DIP2C: variants seen among roughly 807,000 people sequenced by gnomAD.
The protein encoded by DIP2C is DIP2 acetate--CoA ligase C (putative).
In DIP2C, 33 loss-of-function variants were observed where a neutral mutation model predicts 192.4. That is an observed-to-expected ratio of 0.17 (90% CI 0.13 to 0.23). DIP2C has a LOEUF of 0.23. Among genes scored for constraint, DIP2C ranks in the 10% least tolerant of loss-of-function variants. The pLI is 1.00. For synonymous variants in DIP2C, 979 were observed against 864.1 expected (o/e 1.13, Z -2.33); for missense variants, 1,537 against 2,110.1 (o/e 0.73, Z 5.32).
At chr10:389,332 G>A (rs571078431) in intron 13 of DIP2C, among the ~76,000 whole-genome samples, 82 of 152,170 alleles carry the variant, frequency 5.4e-4, no homozygotes, top group Middle Eastern at 6.8e-3. Flanking sequence ...CCCCGGGGTC[G>A]CACCCTCCCC....
Position 362,553 on chromosome 10 carries a change from T to G in DIP2C, c.2731A>C (p.Asn911His), listed in dbSNP as rs751967607. Residue 911 changes from asparagine to histidine, a missense_variant, in exon 22 of 37, where the codon AAT becomes CAT. Coordinates refer to ENST00000280886, the MANE Select transcript of DIP2C (RefSeq NM_014974.3). ...CAGGTGTGGGGGCACATTAGGACATTGCAGGGGTGCAGAGAGCCCTCCAGA... is the reference window on the plus strand; with the variant it reads ...CAGGTGTGGGGGCACATTAGGACATGGCAGGGGTGCAGAGAGCCCTCCAGA... ...LFLEGSLHPC[N>H]VLMCPHTCVT... The G allele has an allele frequency of 1.2e-6, 2 of 1,613,984 alleles. No individual in the cohort carries two copies. Among genetic ancestry groups the G allele is most frequent in the African/African-American group, 2.7e-5 (2 of 74,912 alleles).
chr10:440,950 C>T lies in DIP2C; in HGVS notation c.315G>A (p.Glu105=), dbSNP rs1415387934. The T allele has an allele frequency of 1.9e-6, 3 of 1,613,746 alleles. No individual in the cohort carries two copies. Among genetic ancestry groups the T allele is most frequent in the Admixed American group, 3.3e-5 (2 of 60,008 alleles). ...AAGGCATAGGCACTGCCATCTTCCG[C>T]TCTTTGTGTTTGGCCAGAGCCGCCT... ...AVQAALAKHK[E]RKMAVPMPSK... The change falls in exon 4 of 37, where the codon GAG becomes GAA. Residue 105 remains glutamate (E), a synonymous_variant. Transcript: ENST00000280886.
rs1022000538 is a variant in DIP2C at position 487,585 on chromosome 10, T to G, written c.86-1055A>C. ...AATGAGTGTTTTTTTTTTTTTTTTT[T>G]TTTTTTTTTTTTGAGACAGTCTCTC... On this transcript the variant is annotated intron_variant, in intron 1 of 36. Coordinates refer to ENST00000280886, the MANE Select transcript of DIP2C (RefSeq NM_014974.3). Among the ~76,000 whole-genome samples, 115 of 138,106 alleles carry G rather than the reference T, an allele frequency of 8.3e-4. 1 individual carries two copies. Among genetic ancestry groups the G allele is most frequent in the Middle Eastern group, 3.5e-3 (1 of 284 alleles). The allele number at this position is 138,106 out of a possible 152,430, so 90.6% of individuals were successfully genotyped here. A position where few individuals can be genotyped will look rare whatever the true frequency, so the allele number is the denominator to read the frequency against.
chr10:526,123 A>T (rs575992799), intron 1 of DIP2C, among the ~76,000 whole-genome samples: 1 of 152,218 alleles, frequency 6.6e-6, no homozygotes, highest in Non-Finnish European at 1.5e-5. Context: ...ATTACAAAGG[A>T]AAGCGTCCAC....
intron 5 of DIP2C, among the ~76,000 whole-genome samples, chr10:421,999 G>T (rs757029104): frequency 5.2e-4 from 79 of 152,042 alleles, no homozygotes; most frequent in Non-Finnish European, 9.1e-4. Context: ...GTGTCTGTGG[G>T]CTATTTAATC....
intron 1 of DIP2C, among the ~76,000 whole-genome samples, chr10:581,683 G>A (rs1850673223): frequency 6.6e-6 from 1 of 152,184 alleles, no homozygotes; most frequent in African/African-American, 2.4e-5. Context: ...TGCACACACA[G>A]GATGCAGGCA....
chr10:458,009 C>T (rs1316225585), intron 3 of DIP2C, among the ~76,000 whole-genome samples: 2 of 152,168 alleles, frequency 1.3e-5, no homozygotes, highest in African/African-American at 4.8e-5. Context: ...GCATGAGAGC[C>T]GCCCAGCCAC....
At chr10:650,263 G>A (rs1313415016) in intron 1 of DIP2C, 1 of 717,044 alleles carries the variant, frequency 1.4e-6, no homozygotes, top group Admixed American at 2.0e-5. Context: ...GCTGGCCCGA[G>A]GTGACACAGC....
intron 2 of DIP2C, among the ~76,000 whole-genome samples, chr10:484,388 A>G (rs543320369): frequency 1.3e-5 from 2 of 152,358 alleles, no homozygotes; most frequent in East Asian, 3.9e-4. Context: ...TCCTTCTAGC[A>G]GATCTCAGAG....
chr10:591,947 T>A (rs1851428857), intron 1 of DIP2C, among the ~76,000 whole-genome samples: 1 of 152,182 alleles, frequency 6.6e-6, no homozygotes, highest in Admixed American at 6.5e-5. Flanking sequence ...GTGCTTTACA[T>A]CTTGTCTCTG....
chr10:346,528 G>A (rs950050105), intron 26 of DIP2C, among the ~76,000 whole-genome samples: 3 of 138,336 alleles, frequency 2.2e-5, no homozygotes, highest in Non-Finnish European at 3.0e-5. Context: ...TAGTTCTCCC[G>A]GAAACCCCAC....
chr10:565,438 C>T (rs902470227), intron 1 of DIP2C, among the ~76,000 whole-genome samples: 1 of 151,414 alleles, frequency 6.6e-6, no homozygotes, highest in African/African-American at 2.4e-5. Context: ...ATCTCACATG[C>T]AGTGAAACTG....
chr10:573,881 AT>A (rs1293346637), intron 1 of DIP2C, among the ~76,000 whole-genome samples: 2 of 152,228 alleles, frequency 1.3e-5, no homozygotes, highest in Non-Finnish European at 2.9e-5. Context: ...CAGAAGCAGC[AT>A]TCTTCAAGTT....
In DIP2C at chr10:416,553, AT is replaced by A. The variant is rs1355861875; in HGVS notation, c.740-666del. Among the ~76,000 whole-genome samples, 3 of 152,190 alleles carry A rather than the reference AT, an allele frequency of 2.0e-5. No homozygotes were observed. The East Asian group carries it at 5.8e-4, about 29-fold the overall frequency. On this transcript the variant is annotated intron_variant, in intron 6 of 36. Coordinates refer to ENST00000280886, the MANE Select transcript of DIP2C (RefSeq NM_014974.3). ...CAGAAGTTAAAGTCTCTAAATTCAA[AT>A]TTTTGTGTAACAGAATACTAGCCCC... is the stretch of plus-strand genomic sequence containing the variant.
chr10:490,735 T>C (rs188103689), intron 1 of DIP2C, among the ~76,000 whole-genome samples: 252 of 152,324 alleles, frequency 1.7e-3, no homozygotes, highest in African/African-American at 5.8e-3. Context: ...AAGTGATCTC[T>C]TTAGAAACAT....
intron 1 of DIP2C, among the ~76,000 whole-genome samples, chr10:670,153 T>C (rs780897677): frequency 1.3e-5 from 2 of 152,036 alleles, no homozygotes; most frequent in South Asian, 2.1e-4. Context: ...TGTACACATA[T>C]GCACGTGCGC....
chr10:533,831 G>A (rs1392639663), intron 1 of DIP2C, among the ~76,000 whole-genome samples: 1 of 152,020 alleles, frequency 6.6e-6, no homozygotes, highest in African/African-American at 2.4e-5. Context: ...ACCCTCCTGA[G>A]GCCGTCTTGA....
chr10:425,111 A>G (rs112821590), intron 4 of DIP2C, among the ~76,000 whole-genome samples: 7 of 9,872 alleles, frequency 7.1e-4, no homozygotes, highest in Admixed American at 2.9e-3. Context: ...CGGATGATAC[A>G]GCATGACCAG....
At chr10:288,281 A>G in intron 33 of DIP2C, 83 bp downstream of exon 33, 2 of 1,337,338 alleles carry the variant, frequency 1.5e-6, no homozygotes, top group Non-Finnish European at 2.1e-6. Flanking sequence ...ACATTCTAAA[A>G]AATACATTTC....
Sources: allele counts gnomAD v4.1 joint callset (sites outside exome capture counted in the v4.1 genomes callset), GRCh38; gene constraint gnomAD v4.1.1; transcripts MANE v1.5; gene names NCBI Gene and HGNC (gene_info 2026-07-23, HGNC 2026-07-21).